DHRS4L2: variants seen among roughly 807,000 people sequenced by gnomAD.
DHRS4L2 encodes the protein dehydrogenase/reductase SDR family member 4-like 2.
Under a neutral mutation model 23.9 loss-of-function variants are expected in DHRS4L2, and 22 were observed. The ratio of observed to expected loss-of-function variants is 0.92; its 90% confidence interval spans 0.66 to 1.31. DHRS4L2 has a LOEUF of 1.31. DHRS4L2 is among the 40% of genes most tolerant of loss of function. The pLI, the probability that DHRS4L2 is intolerant of heterozygous loss-of-function variation, is 0.00. For synonymous variants in DHRS4L2, 141 were observed against 123.7 expected (o/e 1.14, Z -0.93); for missense variants, 385 against 303.3 (o/e 1.27, Z -2.00).
At chr14:23,991,801 A>G (rs938055908) in intron 2 of DHRS4L2, among the ~76,000 whole-genome samples, 4 of 150,878 alleles carry the variant, frequency 2.7e-5, no homozygotes, top group African/African-American at 9.7e-5. Flanking sequence ...ATATGGCACA[A>G]TCTCAGCTCA....
intron 3 of DHRS4L2, among the ~76,000 whole-genome samples, chr14:23,998,370 T>C (rs1261971740): frequency 6.6e-6 from 1 of 151,130 alleles, no homozygotes; most frequent in Admixed American, 6.6e-5. Context: ...GCCTGTCCTT[T>C]GAAGTTTTGA....
At chr14:23,976,276 C>T (rs1158129202) in intron 1 of DHRS4L2, among the ~76,000 whole-genome samples, 1 of 151,656 alleles carries the variant, frequency 6.6e-6, no homozygotes, top group Non-Finnish European at 1.5e-5. Context: ...AAAATAACCC[C>T]ATCAAAAAGT....
rs781132993 is a variant in DHRS4L2, at chr14:24,000,965, G to A, written c.479+32G>A. 4.3e-6 allele frequency: 7 copies of A among 1,611,342 alleles called. No individual in the cohort carries two copies. The African/African-American group carries it at 5.4e-5, about 13-fold the overall frequency. ...AGAGTGAGAGAGAGCCTGGGTGAGAGGGGACCCCACACAGGCTGAGGGCAG... is the reference window on the plus strand; with the variant it reads ...AGAGTGAGAGAGAGCCTGGGTGAGAAGGGACCCCACACAGGCTGAGGGCAG... On this transcript the variant is annotated intron_variant, in intron 4 of 7. Transcript: ENST00000335125.
chr14:23,973,595 G>T (rs1346632696), intron 1 of DHRS4L2, among the ~76,000 whole-genome samples: 1 of 151,900 alleles, frequency 6.6e-6, no homozygotes, highest in Non-Finnish European at 1.5e-5. Context: ...AGCAGGGATT[G>T]CAATCCTGGT....
upstream of DHRS4L2, among the ~76,000 whole-genome samples, chr14:23,985,347 C>G (rs1230510730): frequency 6.6e-6 from 1 of 151,786 alleles, no homozygotes; most frequent in East Asian, 1.9e-4. Context: ...TAAGGAAGTG[C>G]TCAATAAATG....
intron 3 of DHRS4L2, among the ~76,000 whole-genome samples, chr14:24,000,588 C>A (rs2034465935): frequency 6.6e-6 from 1 of 151,718 alleles, no homozygotes; most frequent in Non-Finnish European, 1.5e-5. Flanking sequence ...AAGGCCCCTT[C>A]TGGCCCAAAT....
At chr14:23,984,021 TAAAGTA>T (rs1253999063), upstream of DHRS4L2, among the ~76,000 whole-genome samples, 1 of 151,140 alleles carries the variant, frequency 6.6e-6, no homozygotes, top group Non-Finnish European at 1.5e-5. Flanking sequence ...TCTCAGAACT[TAAAGTA>T]TAATAATTTA....
upstream of DHRS4L2, chr14:23,988,740 G>GGCAA (rs1443003763): frequency 7.3e-7 from 1 of 1,365,502 alleles, no homozygotes; most frequent in Non-Finnish European, 9.5e-7. Context: ...AGCCCGGGAA[G>GGCAA]GCAAGCCCCA....
chr14:23,977,641 T>C (rs899008652), intron 1 of DHRS4L2, among the ~76,000 whole-genome samples: 2 of 151,764 alleles, frequency 1.3e-5, no homozygotes, highest in Admixed American at 1.3e-4. Flanking sequence ...TCGTATGTGG[T>C]TATAACTTCT....
chr14:23,992,887 C>G (rs375864290), intron 2 of DHRS4L2, among the ~76,000 whole-genome samples: 1 of 146,348 alleles, frequency 6.8e-6, no homozygotes, highest in Admixed American at 6.8e-5. Context: ...GGCTGTATTT[C>G]CCAGGCTGTT....
upstream of DHRS4L2, among the ~76,000 whole-genome samples, chr14:23,984,405 G>A (rs1387310767): frequency 6.6e-6 from 1 of 151,604 alleles, no homozygotes. Context: ...TCTATGAAAA[G>A]TATCAATCCC....
Position 24,004,340 on chromosome 14 carries a change from T to C in DHRS4L2, c.669T>C (p.Ser223=). 1.9e-6 allele frequency: 3 copies of C among 1,599,872 alleles called. No individual in the cohort carries two copies. Among genetic ancestry groups the C allele is most frequent in the Non-Finnish European group, 2.5e-6 (3 of 1,177,878 alleles). ...DLSRLASAGC[S]GWTRKKRKA is the part of the protein sequence containing the mutation. Reference sequence around the variant, plus strand: ...GAGATTTCCCTTCTTCCTACAGCTCTGGATGGACAAGGAAAAAGAGGAAAG... The same window carrying C: ...GAGATTTCCCTTCTTCCTACAGCTCCGGATGGACAAGGAAAAAGAGGAAAG... The change falls in exon 7 of 8, where the codon TCT becomes TCC. Residue 223 remains serine, a synonymous_variant. Transcript: ENST00000335125.
At chr14:23,975,838 C>A (rs2033954909) in intron 1 of DHRS4L2, among the ~76,000 whole-genome samples, 1 of 151,740 alleles carries the variant, frequency 6.6e-6, no homozygotes, top group South Asian at 2.1e-4. Context: ...ACAAACCTGA[C>A]AGAAACAAGC....
intron 3 of DHRS4L2, among the ~76,000 whole-genome samples, chr14:23,996,525 C>A (rs1167471483): frequency 6.6e-6 from 1 of 150,870 alleles, no homozygotes; most frequent in Non-Finnish European, 1.5e-5. Context: ...TAGGAACTAT[C>A]ATCAAAATAA....
intron 2 of DHRS4L2, 142 bp downstream of exon 2, chr14:23,990,501 C>T (rs905631649): frequency 1.0e-5 from 14 of 1,338,578 alleles, no homozygotes; most frequent in African/African-American, 3.0e-5. Context: ...AGAGAATCAT[C>T]CCATCTCAGT....
At chr14:23,971,252 C>CA (rs1221465264) in intron 1 of DHRS4L2, among the ~76,000 whole-genome samples, 8 of 151,594 alleles carry the variant, frequency 5.3e-5, no homozygotes, top group East Asian at 1.9e-4. Flanking sequence ...TAAAAACCTT[C>CA]AAAAAAAGGT....
chr14:23,989,254 G>A (rs1279603810), intron 1 of DHRS4L2, among the ~76,000 whole-genome samples, 179 bp downstream of exon 1: 1 of 145,568 alleles, frequency 6.9e-6, no homozygotes, highest in Non-Finnish European at 1.5e-5. Context: ...GCCCTCCCTT[G>A]CCAGCCCTTC....
chr14:23,991,008 G>C (rs2034258556), intron 2 of DHRS4L2: 2 of 548,960 alleles, frequency 3.6e-6, no homozygotes, highest in Middle Eastern at 1.8e-3. Context: ...ATTAGTAGTG[G>C]ACAACAGCCT....
chr14:23,977,253 C>A (rs530000545), intron 1 of DHRS4L2, among the ~76,000 whole-genome samples: 2 of 151,906 alleles, frequency 1.3e-5, no homozygotes, highest in South Asian at 4.2e-4. Flanking sequence ...AATTGGCTTA[C>A]ATTTAAAATT....
Sources: allele counts gnomAD v4.1 joint callset (sites outside exome capture counted in the v4.1 genomes callset), GRCh38; gene constraint gnomAD v4.1.1; transcripts MANE v1.5; gene names NCBI Gene and HGNC (gene_info 2026-07-23, HGNC 2026-07-21).